ITGB3BP: variants seen among roughly 807,000 people sequenced by gnomAD.
ITGB3BP encodes the protein centromere protein R.
Under a neutral mutation model 29.1 loss-of-function variants are expected in ITGB3BP, and 27 were observed. That is an observed-to-expected ratio of 0.93 (90% CI 0.68 to 1.28). The LOEUF is 1.28. ITGB3BP is among the 50% of genes most tolerant of loss of function. ITGB3BP has a pLI of 0.00. For missense variants in ITGB3BP, 192 were observed against 200.2 expected (o/e 0.96, Z 0.25); for synonymous variants, 61 against 61.4 (o/e 0.99, Z 0.03).
intron 4 of ITGB3BP, among the ~76,000 whole-genome samples, chr1:63,466,296 T>A (rs1570162261): frequency 6.6e-6 from 1 of 152,298 alleles, no homozygotes; most frequent in Non-Finnish European, 1.5e-5. Context: ...AATGGTGACA[T>A]TTTGGAAACT....
At chr1:63,455,197 A>G (rs947888162) in intron 4 of ITGB3BP, among the ~76,000 whole-genome samples, 2 of 152,162 alleles carry the variant, frequency 1.3e-5, no homozygotes, top group Admixed American at 6.5e-5. Flanking sequence ...ACAATGCCAC[A>G]TTGAGAACAC....
chr1:63,518,589 CTTTTT>C (rs1259141891), intron 1 of ITGB3BP, among the ~76,000 whole-genome samples: 1 of 139,754 alleles, frequency 7.2e-6, no homozygotes, highest in Non-Finnish European at 1.6e-5. Flanking sequence ...TCTTTTCTTT[CTTTTT>C]TTTTTTTAAC....
At chr1:63,461,297 C>T (rs1003755090) in intron 4 of ITGB3BP, among the ~76,000 whole-genome samples, 10 of 148,706 alleles carry the variant, frequency 6.7e-5, no homozygotes, top group Non-Finnish European at 1.3e-4. Context: ...AAGTCTTTGC[C>T]TATATTTAAA....
intron 2 of ITGB3BP, among the ~76,000 whole-genome samples, chr1:63,503,690 T>G (rs907111170): frequency 6.6e-6 from 1 of 152,224 alleles, no homozygotes; most frequent in Non-Finnish European, 1.5e-5. Flanking sequence ...AATTTTTTTA[T>G]AAGGTGTAAG....
At chr1:63,508,916 T>A (rs1646138719) in intron 1 of ITGB3BP, among the ~76,000 whole-genome samples, 1 of 152,198 alleles carries the variant, frequency 6.6e-6, no homozygotes, top group African/African-American at 2.4e-5. Context: ...ATACCACTAT[T>A]ACAATATCAT....
At chr1:63,506,456 G>A (rs1429286291) in intron 2 of ITGB3BP, among the ~76,000 whole-genome samples, 1 of 152,144 alleles carries the variant, frequency 6.6e-6, no homozygotes, top group Non-Finnish European at 1.5e-5. Context: ...CACGAGGACA[G>A]TATGGGAGAA....
intron 4 of ITGB3BP, among the ~76,000 whole-genome samples, chr1:63,468,261 T>G (rs1317290862): frequency 1.3e-5 from 2 of 152,198 alleles, no homozygotes; most frequent in Non-Finnish European, 2.9e-5. Flanking sequence ...CCTGGACCAA[T>G]CAACTGTCCA....
chr1:63,528,989 C>T (rs1400903724), intron 2 of ITGB3BP: 1 of 152,034 alleles, frequency 6.6e-6, no homozygotes, highest in Non-Finnish European at 1.5e-5. Context: ...ACTTCATTTA[C>T]ATCTACTTGT....
chr1:63,507,826 G>C (rs1357045132), intron 2 of ITGB3BP, among the ~76,000 whole-genome samples: 4 of 152,130 alleles, frequency 2.6e-5, no homozygotes, highest in Non-Finnish European at 4.4e-5. Flanking sequence ...CCTACTTATT[G>C]ACTAGCTATT....
chr1:63,477,643 C>A (rs1057106652), intron 4 of ITGB3BP, among the ~76,000 whole-genome samples: 1 of 151,794 alleles, frequency 6.6e-6, no homozygotes, highest in Non-Finnish European at 1.5e-5. Flanking sequence ...TTGCTTGAAC[C>A]CAGGAGGTTA....
At chr1:63,512,193 TAGAA>T (rs1646214226) in intron 1 of ITGB3BP, among the ~76,000 whole-genome samples, 1 of 152,076 alleles carries the variant, frequency 6.6e-6, no homozygotes, top group Non-Finnish European at 1.5e-5. Context: ...TTTAAAAAGA[TAGAA>T]AGCATTTGAC....
intron 2 of ITGB3BP, among the ~76,000 whole-genome samples, chr1:63,493,612 T>C (rs1645715763): frequency 6.6e-6 from 1 of 152,092 alleles, no homozygotes; most frequent in Non-Finnish European, 1.5e-5. Context: ...AACTAAAATT[T>C]GGGCATCGAT....
chr1:63,500,148 C>T lies in ITGB3BP; in HGVS notation c.48+8380G>A, dbSNP rs1043515342. On this transcript the variant is annotated intron_variant, in intron 2 of 8. Coordinates refer to ENST00000271002, the MANE Select transcript of ITGB3BP (RefSeq NM_014288.5). ...ATCCCAGCACTTTGGGAGGCCCAGA[C>T]GGGCGGATCACCTGAGGTCAGGAGT... Among the ~76,000 whole-genome samples the T allele has an allele frequency of 7.2e-5, 11 of 152,182 alleles. No homozygotes were observed. In the South Asian group the frequency reaches 1.2e-3, roughly 17 times the overall value.
chr1:63,506,294 T>C (rs963519082), intron 2 of ITGB3BP, among the ~76,000 whole-genome samples: 1 of 152,180 alleles, frequency 6.6e-6, no homozygotes, highest in African/African-American at 2.4e-5. Flanking sequence ...CTTTTGATCT[T>C]TGTTGGTTTA....
At chr1:63,464,714 C>A (rs1270737704) in intron 4 of ITGB3BP, among the ~76,000 whole-genome samples, 2 of 152,060 alleles carry the variant, frequency 1.3e-5, no homozygotes, top group Non-Finnish European at 1.5e-5. Flanking sequence ...TATAGATAAA[C>A]CTGGTGAACA....
At chr1:63,504,554 T>C (rs1422045305) in intron 2 of ITGB3BP, among the ~76,000 whole-genome samples, 1 of 152,154 alleles carries the variant, frequency 6.6e-6, no homozygotes. Flanking sequence ...CTATGTTGAA[T>C]AGGAGTGGTG....
At chr1:63,517,916 T>G (rs1352184130) in intron 1 of ITGB3BP, among the ~76,000 whole-genome samples, 2 of 152,112 alleles carry the variant, frequency 1.3e-5, no homozygotes, top group Non-Finnish European at 2.9e-5. Flanking sequence ...AGAGACAGCG[T>G]TTTGCCATAT....
chr1:63,447,769 G>C (rs535583848), intron 7 of ITGB3BP: 113 of 378,830 alleles, frequency 3.0e-4, no homozygotes, highest in Non-Finnish European at 5.5e-4. Context: ...AAGTCAGTGT[G>C]GCGATTCCTC....
intron 7 of ITGB3BP, chr1:63,447,084 A>C: frequency 4.0e-6 from 2 of 499,126 alleles, no homozygotes; most frequent in Non-Finnish European, 3.6e-6. Context: ...AACTTCCAAG[A>C]CATTTATTAC....
Sources: gnomAD v4.1 joint callset for allele counts (sites outside exome capture counted in the v4.1 genomes callset) on GRCh38, gnomAD v4.1.1 for gene constraint, MANE v1.5 for transcripts, NCBI Gene and HGNC (gene_info 2026-07-23, HGNC 2026-07-21) for gene names.